The following XIRP2 variants were observed in gnomAD, a reference collection of about 807,000 sequenced individuals.
The protein encoded by XIRP2 is xin actin binding repeat containing 2, also known as xin actin-binding repeat-containing protein 2.
A neutral mutation model predicts 277.0 loss-of-function variants in XIRP2; 236 were observed. The observed-to-expected ratio is 0.85, with a 90% CI of 0.77 to 0.95. XIRP2 has a LOEUF of 0.95. Ranked by LOEUF, XIRP2 falls within the 40% of genes least tolerant of loss-of-function variation. The pLI, the probability that XIRP2 is intolerant of heterozygous loss-of-function variation, is 0.00. For synonymous variants in XIRP2, 1,490 were observed against 1,416.5 expected (o/e 1.05, Z -1.17); for missense variants, 4,640 against 4,157.5 (o/e 1.12, Z -3.19).
Position 167,246,167 on chromosome 2 carries a change from C to T in XIRP2, c.4775C>T (p.Ser1592Phe). ...AAATACAAGCTAATGAACCAAGCAT[C>T]TCCTGAGATACAGAAAGAAGAAATT... ...MAKYKLMNQASPEIQKEEIIR... is the reference protein window; with the variant it reads ...MAKYKLMNQAFPEIQKEEIIR... The change falls in exon 9 of 11, where the codon TCT becomes TTT. Residue 1592 changes from serine to phenylalanine, a missense_variant. Transcript: ENST00000409195. 1 of 1,612,454 alleles carries T rather than the reference C, an allele frequency of 6.2e-7. No individual in the cohort carries two copies. The highest frequency in any genetic ancestry group is 8.5e-7 in the Non-Finnish European group (1 of 1,179,544).
At chr2:167,253,998 C>T (rs987177597) in intron 9 of XIRP2, 34 bp from the exon 10 acceptor site, 3 of 1,535,842 alleles carry the variant, frequency 2.0e-6, no homozygotes, top group Non-Finnish European at 2.6e-6. Flanking sequence ...TTGAAGATAA[C>T]ACTACAGAAG....
intron 2 of XIRP2, chr2:167,123,837 C>T (rs1409512597): frequency 6.6e-6 from 1 of 152,130 alleles, no homozygotes; most frequent in Non-Finnish European, 1.5e-5. Flanking sequence ...CAAATACAAG[C>T]ATATTCTCAG....
intron 2 of XIRP2, among the ~76,000 whole-genome samples, chr2:166,960,063 A>C (rs1217653787): frequency 7.9e-5 from 12 of 151,760 alleles, no homozygotes; most frequent in Admixed American, 7.9e-4. Context: ...ACCGTAGCTA[A>C]ACTTACTATT....
chr2:167,070,951 C>A (rs1558968667), intron 2 of XIRP2, among the ~76,000 whole-genome samples: 1 of 152,162 alleles, frequency 6.6e-6, no homozygotes, highest in African/African-American at 2.4e-5. Flanking sequence ...CATTATATTT[C>A]ATTTAAAATT....
At chr2:166,975,699 G>T (rs1453933971) in intron 2 of XIRP2, among the ~76,000 whole-genome samples, 1 of 152,042 alleles carries the variant, frequency 6.6e-6, no homozygotes, top group African/African-American at 2.4e-5. Flanking sequence ...GCCAAGGCGG[G>T]CAGATCACGA....
At position 166,949,676 on chromosome 2, in the gene XIRP2, A is replaced by T. The variant is rs1372438168; in HGVS notation, c.408+45786A>T. ...GTTCATGTCAGACAATCTATCACCA[A>T]CTGTGATTAATTTAATATTACTACA... is the stretch of plus-strand genomic sequence containing the variant. On this transcript the variant is annotated intron_variant, in intron 2 of 10. Transcript: ENST00000409195. Among the ~76,000 whole-genome samples the T allele has an allele frequency of 2.0e-5, 3 of 152,050 alleles. No homozygotes were observed. The East Asian group carries it at 5.8e-4, about 29-fold the overall frequency.
intron 1 of XIRP2, among the ~76,000 whole-genome samples, chr2:166,899,887 C>T (rs1051931909): frequency 2.6e-5 from 4 of 151,988 alleles, no homozygotes; most frequent in Admixed American, 6.6e-5. Flanking sequence ...TATGCCACCG[C>T]GCAACGTGAA....
intron 2 of XIRP2, among the ~76,000 whole-genome samples, chr2:167,016,305 A>T (rs1241145965): frequency 6.6e-6 from 1 of 151,898 alleles, no homozygotes; most frequent in Non-Finnish European, 1.5e-5. Context: ...TTAGGTAAAG[A>T]CTATTCTCTG....
chr2:167,158,968 G>T (rs1293879581), intron 3 of XIRP2, among the ~76,000 whole-genome samples: 1 of 152,130 alleles, frequency 6.6e-6, no homozygotes, highest in Non-Finnish European at 1.5e-5. Flanking sequence ...CTACCTCTGG[G>T]GGGTAGGAGG....
At chr2:167,232,250 A>G (rs531234138) in intron 5 of XIRP2, among the ~76,000 whole-genome samples, 2 of 152,136 alleles carry the variant, frequency 1.3e-5, no homozygotes, top group East Asian at 3.9e-4. Flanking sequence ...ACTGTTCACT[A>G]GGTATGAGTT....
At chr2:167,085,393 G>A (rs1183991697) in intron 2 of XIRP2, among the ~76,000 whole-genome samples, 1 of 149,958 alleles carries the variant, frequency 6.7e-6, no homozygotes, top group African/African-American at 2.4e-5. Flanking sequence ...TAGGTGTGGT[G>A]TGGTGCTGAA....
chr2:166,955,618 C>T (rs951676244), intron 2 of XIRP2, among the ~76,000 whole-genome samples: 2 of 151,670 alleles, frequency 1.3e-5, no homozygotes, highest in African/African-American at 4.8e-5. Flanking sequence ...AATTATCAAG[C>T]GTAGTTTGAA....
chr2:167,007,570 G>A (rs916486918), intron 2 of XIRP2, among the ~76,000 whole-genome samples: 3 of 151,532 alleles, frequency 2.0e-5, no homozygotes, highest in South Asian at 2.1e-4. Flanking sequence ...GATATTGATA[G>A]TTAGGTAAGT....
rs553036469 is a variant in XIRP2 at position 167,179,724 on chromosome 2, T to C, written c.563-31011T>C. Among the ~76,000 whole-genome samples the C allele has an allele frequency of 9.2e-5, 14 of 152,156 alleles. No homozygotes were observed. In the East Asian group the frequency reaches 2.7e-3, roughly 29 times the overall value. Reference sequence around the variant, plus strand: ...GGCATGATCACTACTCACTGCAGCCTTGACTTCAGAGCTCAAGAGATGCTC... The same window carrying C: ...GGCATGATCACTACTCACTGCAGCCCTGACTTCAGAGCTCAAGAGATGCTC... On this transcript the variant is annotated intron_variant, in intron 3 of 10. Transcript: ENST00000409195.
At position 167,250,687 on chromosome 2, in the gene XIRP2, C is replaced by T; in HGVS notation, c.9295C>T (p.His3099Tyr). 4 of 1,613,540 alleles carry T rather than the reference C, an allele frequency of 2.5e-6. No homozygotes were observed. Among genetic ancestry groups the T allele is most frequent in the Non-Finnish European group, 3.4e-6 (4 of 1,179,738 alleles). The change falls in exon 9 of 11, where the codon CAT becomes TAT. Residue 3099 changes from histidine to tyrosine, a missense_variant. Transcript: ENST00000409195. ...EATVRSHVKT[H>Y]QEIKLDDSNI... ...AACTGTTCGTAGTCACGTGAAAACC[C>T]ATCAGGAAATTAAACTTGATGATAG...
rs751195997 is a variant in XIRP2 at position 167,251,320 on chromosome 2, C to G, written c.9928C>G (p.Gln3310Glu). ...AVPPRLSEHTQRYEAANRTVQ... is the reference protein window; with the variant it reads ...AVPPRLSEHTERYEAANRTVQ... ...GCCTCCTCGCCTGTCAGAGCACACA[C>G]AGAGATATGAAGCGGCCAACCGAAC... The change falls in exon 9 of 11, where the codon CAG (glutamine) becomes GAG (glutamate). Residue 3310 changes from glutamine to glutamate, a missense_variant. Transcript: ENST00000409195. 6.2e-7 allele frequency: 1 copy of G among 1,613,566 alleles called. No homozygotes were observed. Among genetic ancestry groups the G allele is most frequent in the South Asian group, 1.1e-5 (1 of 91,074 alleles).
chr2:167,114,567 G>T (rs537176739), intron 2 of XIRP2, among the ~76,000 whole-genome samples: 1 of 151,926 alleles, frequency 6.6e-6, no homozygotes, highest in African/African-American at 2.4e-5. Context: ...CTAGCATTAG[G>T]TATATCTCCT....
At chr2:167,023,553 T>A (rs1332801553) in intron 2 of XIRP2, among the ~76,000 whole-genome samples, 1 of 152,174 alleles carries the variant, frequency 6.6e-6, no homozygotes, top group Non-Finnish European at 1.5e-5. Flanking sequence ...TGAATGGTAA[T>A]GCCTAGGTTT....
Position 167,157,674 on chromosome 2 carries a change from T to C in XIRP2, c.562+21612T>C, listed in dbSNP as rs1692240199. Among the ~76,000 whole-genome samples the C allele has an allele frequency of 2.0e-5, 3 of 152,246 alleles. No homozygotes were observed. In the South Asian group the frequency reaches 6.2e-4, roughly 32 times the overall value. On this transcript the variant is annotated intron_variant, in intron 3 of 10. Coordinates refer to ENST00000409195, the MANE Select transcript of XIRP2 (RefSeq NM_152381.6). The stretch of plus-strand genomic sequence containing the variant: ...CAGAATGCTTGCCTTCCTTTCCCCC[T>C]ACAATCAAAGCAGCTTGTGGGATGT...
Sources: gnomAD v4.1 joint callset for allele counts (sites outside exome capture counted in the v4.1 genomes callset) on GRCh38, gnomAD v4.1.1 for gene constraint, MANE v1.5 for transcripts, NCBI Gene and HGNC (gene_info 2026-07-23, HGNC 2026-07-21) for gene names.